DIAPH2: variants seen among roughly 807,000 people sequenced by gnomAD.
DIAPH2 encodes the protein diaphanous related formin 2, also known as protein diaphanous homolog 2.
In DIAPH2, 35 loss-of-function variants were observed where a neutral mutation model predicts 92.7. The ratio of observed to expected loss-of-function variants is 0.38; its 90% CI spans 0.29 to 0.50. DIAPH2 has a LOEUF of 0.50. DIAPH2 is among the 20% of genes least tolerant of loss of function. DIAPH2 has a pLI of 0.94. For missense variants in DIAPH2, 701 were observed against 819.5 expected (o/e 0.86, Z 1.77); for synonymous variants, 301 against 280.4 (o/e 1.07, Z -0.73).
intron 17 of DIAPH2, among the ~76,000 whole-genome samples, chrX:96,975,337 G>A (rs1371883744): frequency 1.8e-5 from 2 of 111,601 alleles, no homozygotes; most frequent in African/African-American, 3.3e-5. Context: ...ACAAAAGAGT[G>A]GTAAAGTGTA....
Position 97,318,733 on chromosome X carries a change from C to T in DIAPH2, c.2845-29383C>T, listed in dbSNP as rs138993690. Reference sequence around the variant, plus strand: ...CCCCTGACCTCAAGTGATCCACCCGCCTTAGCCTCCCAAAGTGGTGAGATT... The same window carrying T: ...CCCCTGACCTCAAGTGATCCACCCGTCTTAGCCTCCCAAAGTGGTGAGATT... On this transcript the variant is annotated intron_variant, in intron 23 of 26. Transcript: ENST00000324765. Among the ~76,000 whole-genome samples the T allele has an allele frequency of 6.6e-3, 723 of 109,535 alleles. 4 individuals carry two copies. The highest frequency in any genetic ancestry group is 0.023 in the African/African-American group (703 of 30,149).
chrX:97,191,319 ACT>A lies in DIAPH2; in HGVS notation c.2719+49531_2719+49532del, dbSNP rs769842261. ...CTCCAGCCTGGGCAACAAGAGGGAAACTCTCTCAAAAAAAAAAAGAAAAAAAA... is the reference window on the plus strand; with the variant it reads ...CTCCAGCCTGGGCAACAAGAGGGAAACTCTCAAAAAAAAAAAGAAAAAAAA... On this transcript the variant is annotated intron_variant, in intron 22 of 26. Coordinates refer to ENST00000324765, the MANE Select transcript of DIAPH2 (RefSeq NM_006729.5). Among the ~76,000 whole-genome samples, 103 of 104,751 alleles carry A rather than the reference ACT, an allele frequency of 9.8e-4. 1 individual carries two copies. The highest frequency in any genetic ancestry group is 3.4e-3 in the African/African-American group (94 of 27,802). The allele number at this position is 104,751 out of a possible 115,157, so 91.0% of individuals were successfully genotyped here.
intron 5 of DIAPH2, among the ~76,000 whole-genome samples, chrX:96,897,989 T>C (rs1240042986): frequency 2.5e-4 from 20 of 78,874 alleles, no homozygotes; most frequent in Non-Finnish European, 2.2e-4. Context: ...GGTTTTTTGT[T>C]CTTGCGATAG....
chrX:97,247,574 T>TA, intron 22 of DIAPH2, 141 bp from the exon 23 acceptor site: 1 of 472,264 alleles, frequency 2.1e-6, no homozygotes, highest in Non-Finnish European at 3.5e-6. Flanking sequence ...TTATAAGCAG[T>TA]AATTCAGAAA....
chrX:96,859,524 T>C (rs2065059465), intron 4 of DIAPH2, among the ~76,000 whole-genome samples: 1 of 110,675 alleles, frequency 9.0e-6, no homozygotes, highest in African/African-American at 3.3e-5. Context: ...GATGAAGGAT[T>C]CACATTTTTA....
At chrX:96,754,350 C>T (rs1185044019) in intron 3 of DIAPH2, among the ~76,000 whole-genome samples, 2 of 111,864 alleles carry the variant, frequency 1.8e-5, no homozygotes, top group Non-Finnish European at 3.8e-5. Flanking sequence ...AAGTATCAGG[C>T]ATTGTTCTAA....
At chrX:97,312,018 C>T (rs1166053033) in intron 23 of DIAPH2, among the ~76,000 whole-genome samples, 1 of 109,693 alleles carries the variant, frequency 9.1e-6, no homozygotes, top group East Asian at 2.9e-4. Flanking sequence ...TTAGTAGAGG[C>T]GGGGTTTCAC....
intron 23 of DIAPH2, among the ~76,000 whole-genome samples, chrX:97,274,007 GT>G (rs1226263211): frequency 0.11 from 575 of 5,166 alleles, 2 homozygotes; most frequent in East Asian, 0.36. Context: ...AAAACTAGCG[GT>G]GTGTGTGTGT....
chrX:97,511,781 CT>C (rs1210104752), intron 26 of DIAPH2, among the ~76,000 whole-genome samples: 1 of 110,821 alleles, frequency 9.0e-6, no homozygotes, highest in African/African-American at 3.3e-5. Flanking sequence ...TGGTTTTTGT[CT>C]TTGACTCTGT....
Position 97,170,684 on chromosome X carries a change from A to T in DIAPH2, c.2719+28890A>T, listed in dbSNP as rs955194334. Among the ~76,000 whole-genome samples, 6 of 111,439 alleles carry T rather than the reference A, an allele frequency of 5.4e-5. No individual in the cohort carries two copies. The Admixed American group carries it at 5.7e-4, about 11-fold the overall frequency. ...ACCTGTTACAAAAGTAATAGTGTTC[A>T]TTGTAGATAATTTAGGAAAAACTTA... On this transcript the variant is annotated intron_variant, in intron 22 of 26. Coordinates refer to ENST00000324765, the MANE Select transcript of DIAPH2 (RefSeq NM_006729.5).
At chrX:96,876,939 T>C (rs769122988) in intron 4 of DIAPH2, among the ~76,000 whole-genome samples, 33 of 110,923 alleles carry the variant, frequency 3.0e-4, no homozygotes, top group African/African-American at 1.0e-3. Flanking sequence ...GCAAATTGCA[T>C]ATTAAATTAT....
intron 17 of DIAPH2, among the ~76,000 whole-genome samples, chrX:96,997,493 A>G (rs2066112596): frequency 9.0e-6 from 1 of 111,542 alleles, no homozygotes; most frequent in African/African-American, 3.3e-5. Context: ...CACATTTAGC[A>G]AATTGATGCA....
intron 25 of DIAPH2, among the ~76,000 whole-genome samples, chrX:97,389,703 C>G (rs962011761): frequency 9.0e-6 from 1 of 110,844 alleles, no homozygotes; most frequent in Non-Finnish European, 1.9e-5. Context: ...CCTGAGACAA[C>G]TGGGATGCAG....
intron 22 of DIAPH2, among the ~76,000 whole-genome samples, chrX:97,180,365 T>C (rs1351431953): frequency 8.9e-6 from 1 of 112,269 alleles, no homozygotes; most frequent in African/African-American, 3.2e-5. Flanking sequence ...GTTTTTTTCT[T>C]GTAAATTCCT....
intron 23 of DIAPH2, among the ~76,000 whole-genome samples, chrX:97,248,317 G>A (rs981167903): frequency 6.3e-5 from 7 of 111,400 alleles, no homozygotes; most frequent in African/African-American, 2.3e-4. Context: ...TGGATACATG[G>A]TTGGATGGAT....
intron 9 of DIAPH2, among the ~76,000 whole-genome samples, chrX:96,922,607 A>G (rs1250390489): frequency 8.9e-6 from 1 of 111,732 alleles, no homozygotes; most frequent in Non-Finnish European, 1.9e-5. Context: ...CATTCTTAAA[A>G]ATCTATGCTC....
intron 5 of DIAPH2, among the ~76,000 whole-genome samples, chrX:96,902,984 C>G (rs758612007): frequency 3.1e-4 from 34 of 111,193 alleles, no homozygotes; most frequent in African/African-American, 1.1e-3. Flanking sequence ...TTTCTTTGAT[C>G]TTTGTCTACG....
chrX:97,511,814 T>C (rs1349089625), intron 26 of DIAPH2, among the ~76,000 whole-genome samples: 1 of 110,674 alleles, frequency 9.0e-6, no homozygotes, highest in Non-Finnish European at 1.9e-5. Context: ...ATTACATTTA[T>C]TGATTTGCAT....
intron 22 of DIAPH2, among the ~76,000 whole-genome samples, chrX:97,180,912 A>T (rs912289076): frequency 9.0e-6 from 1 of 111,554 alleles, no homozygotes; most frequent in East Asian, 2.8e-4. Context: ...CTGTAGCCTT[A>T]TAGTATAGTT....
Sources: gnomAD v4.1 joint callset for allele counts (sites outside exome capture counted in the v4.1 genomes callset) on GRCh38, gnomAD v4.1.1 for gene constraint, MANE v1.5 for transcripts, NCBI Gene and HGNC (gene_info 2026-07-23, HGNC 2026-07-21) for gene names.